Variants in CCNC observed in about 807,000 individuals in gnomAD.
The protein encoded by CCNC is cyclin C, also known as cyclin-C.
A neutral mutation model predicts 50.0 loss-of-function variants in CCNC; 19 were observed. The ratio of observed to expected loss-of-function variants is 0.38; its 90% CI spans 0.27 to 0.56. The LOEUF (loss-of-function observed/expected upper bound fraction) is 0.56. Among genes scored for constraint, CCNC ranks in the 20% least tolerant of loss-of-function variants. The pLI is 0.72. For missense variants in CCNC, 200 were observed against 327.1 expected (o/e 0.61, Z 3.00); for synonymous variants, 93 against 103.7 (o/e 0.90, Z 0.63).
intron 5 of CCNC, among the ~76,000 whole-genome samples, chr6:99,556,116 T>C (rs1403704027): frequency 2.0e-5 from 3 of 152,226 alleles, no homozygotes; most frequent in African/African-American, 4.8e-5. Flanking sequence ...GTTTTATTTC[T>C]CATAGCACCC....
intron 1 of CCNC, among the ~76,000 whole-genome samples, chr6:99,566,003 AAGAT>A (rs1769104673): frequency 6.6e-6 from 1 of 152,022 alleles, no homozygotes. Context: ...ATTCTCTTGA[AAGAT>A]GGAAAGTATT....
In CCNC at chr6:99,558,391, G is replaced by T. The variant is rs182676731; in HGVS notation, c.346+106C>A. 2.9e-3 allele frequency: 4,371 copies of T among 1,493,040 alleles called. 11 individuals are homozygous for T. Among genetic ancestry groups the T allele is most frequent in the Non-Finnish European group, 3.5e-3 (3,904 of 1,122,834 alleles). 92.5% of individuals were successfully genotyped at this position (1,493,040 alleles called of 1,614,324 possible). Reference sequence around the variant, plus strand: ...AGTTATCCTCAGGAAATTTAATAAAGCCAACCAATCTCATATGTCTCATAA... The same window carrying T: ...AGTTATCCTCAGGAAATTTAATAAATCCAACCAATCTCATATGTCTCATAA... On this transcript the variant is annotated intron_variant, in intron 5 of 11. Transcript: ENST00000520429.
chr6:99,551,957 CTTT>C, intron 5 of CCNC, 62 bp from the exon 6 acceptor site: 1 of 1,190,702 alleles, frequency 8.4e-7, no homozygotes, highest in Non-Finnish European at 1.1e-6. Flanking sequence ...CTCAAAATTC[CTTT>C]AACAGAGCAG....
chr6:99,550,340 A>G (rs1208344492), intron 7 of CCNC, 31 bp from the exon 8 acceptor site: 15 of 1,450,630 alleles, frequency 1.0e-5, no homozygotes, highest in Non-Finnish European at 1.4e-5. Flanking sequence ...GTGTATGTAT[A>G]AAAAACAGAT....
At position 99,551,831 on chromosome 6, in the gene CCNC, T is replaced by C. The variant is rs769674194; in HGVS notation, c.402+9A>G. Reference sequence around the variant, plus strand: ...TTGATAATTGTTCCATTTTATATCATATACTTACATGATTCATCCTATAAG... The same window carrying C: ...TTGATAATTGTTCCATTTTATATCACATACTTACATGATTCATCCTATAAG... On this transcript the variant is annotated intron_variant, in intron 6 of 11. Coordinates refer to ENST00000520429, the MANE Select transcript of CCNC (RefSeq NM_005190.4). 16 of 1,394,984 alleles carry C rather than the reference T, an allele frequency of 1.1e-5. No homozygotes were observed. In the East Asian group the frequency reaches 4.2e-4, roughly 36 times the overall value. The allele number at this position is 1,394,984 out of a possible 1,614,324, so 86.4% of individuals were successfully genotyped here.
intron 4 of CCNC, 112 bp from the exon 5 acceptor site, chr6:99,558,660 C>T (rs1802647480): frequency 1.1e-6 from 1 of 941,616 alleles, no homozygotes; most frequent in South Asian, 2.0e-5. Context: ...CTTCTAACTA[C>T]TTGAGGTGTG....
intron 7 of CCNC, 56 bp downstream of exon 7, chr6:99,550,937 C>A: frequency 1.1e-6 from 1 of 877,422 alleles, no homozygotes; most frequent in South Asian, 2.0e-5. Flanking sequence ...AAATAATTTC[C>A]AACTTCATTT....
At chr6:99,544,745 GAAAA>G (rs34449935) in intron 11 of CCNC, among the ~76,000 whole-genome samples, 6 of 122,516 alleles carry the variant, frequency 4.9e-5, no homozygotes, top group East Asian at 2.3e-4. Flanking sequence ...AGCCAGCAGT[GAAAA>G]AAAAAAAAAA....
At chr6:99,545,063 A>G in intron 11 of CCNC, 49 bp downstream of exon 11, 2 of 845,730 alleles carry the variant, frequency 2.4e-6, no homozygotes, top group Admixed American at 2.1e-5. Flanking sequence ...AAATATAGTA[A>G]GTATGATATA....
At chr6:99,566,908 G>T in intron 1 of CCNC, 1 of 450,110 alleles carries the variant, frequency 2.2e-6, no homozygotes, top group African/African-American at 2.0e-5. Flanking sequence ...CTAAGACAAT[G>T]GCCTTTCATA....
In CCNC at chr6:99,549,544, G is replaced by T; in HGVS notation, c.562C>A (p.Leu188Ile). The T allele has an allele frequency of 6.2e-7, 1 of 1,607,272 alleles. No homozygotes were observed. The highest frequency in any genetic ancestry group is 8.5e-7 in the Non-Finnish European group (1 of 1,174,218). ...ATGAAAGGAGGATACAGTAGGCAAA[G>T]ATCCGTTCTGTAGGTATCATTCACT... ...RIVNDTYRTD[L>I]CLLYPPFMIA... is the part of the protein sequence containing the mutation. Residue 188 changes from leucine to isoleucine, a missense_variant, in exon 9 of 12, where the codon CTT (leucine) becomes ATT (isoleucine). Transcript: ENST00000520429.
intron 1 of CCNC, 35 bp from the exon 2 acceptor site, chr6:99,562,983 A>C (rs1768916841): frequency 7.6e-7 from 1 of 1,323,644 alleles, no homozygotes; most frequent in Non-Finnish European, 1.1e-6. Context: ...TCAACAAGCA[A>C]GGTCAGAGGA....
chr6:99,544,378 C>T (rs948296543), intron 11 of CCNC: 4 of 944,026 alleles, frequency 4.2e-6, no homozygotes, highest in Non-Finnish European at 6.3e-6. Flanking sequence ...TTATGAGTAG[C>T]AATCCATAAA....
chr6:99,568,224 T>C (rs1769236972), intron 1 of CCNC: 1 of 521,648 alleles, frequency 1.9e-6, no homozygotes, highest in Non-Finnish European at 3.5e-6. Flanking sequence ...AAACCAAGAA[T>C]CCGAAATTAA....
intron 11 of CCNC, chr6:99,544,047 A>G: frequency 8.0e-7 from 1 of 1,253,696 alleles, no homozygotes; most frequent in Non-Finnish European, 1.0e-6. Context: ...TGTTGTCCAA[A>G]GGCATAATAA....
intron 1 of CCNC, among the ~76,000 whole-genome samples, chr6:99,564,283 G>C (rs1013158655): frequency 5.9e-5 from 9 of 152,094 alleles, no homozygotes; most frequent in Non-Finnish European, 1.2e-4. Context: ...AAATTAGCTG[G>C]ACGTGGTGGC....
intron 1 of CCNC, among the ~76,000 whole-genome samples, chr6:99,566,585 TC>T (rs1046244345): frequency 1.7e-4 from 26 of 152,134 alleles, no homozygotes; most frequent in African/African-American, 6.3e-4. Flanking sequence ...TGTGTTTTGT[TC>T]TACCTCAACT....
intron 4 of CCNC, among the ~76,000 whole-genome samples, chr6:99,559,046 T>A (rs1010732212): frequency 6.6e-6 from 1 of 152,174 alleles, no homozygotes; most frequent in African/African-American, 2.4e-5. Context: ...TCCAAGAAGA[T>A]TGTTTACATT....
intron 1 of CCNC, among the ~76,000 whole-genome samples, 179 bp from the exon 2 acceptor site, chr6:99,563,127 G>A (rs751221921): frequency 4.6e-5 from 7 of 152,064 alleles, no homozygotes; most frequent in South Asian, 4.1e-4. Context: ...ATGTAAATAC[G>A]TCCTGAAAAA....
Sources: allele counts gnomAD v4.1 joint callset (sites outside exome capture counted in the v4.1 genomes callset), GRCh38; gene constraint gnomAD v4.1.1; transcripts MANE v1.5; gene names NCBI Gene and HGNC (gene_info 2026-07-23, HGNC 2026-07-21).